TUBA1C: variants seen among roughly 807,000 people sequenced by gnomAD.
The protein encoded by TUBA1C is tubulin alpha 1c, also known as tubulin alpha-1C chain.
A neutral mutation model predicts 34.9 loss-of-function variants in TUBA1C; 16 were observed. The ratio of observed to expected loss-of-function variants is 0.46; its 90% CI spans 0.31 to 0.70. The LOEUF (loss-of-function observed/expected upper bound fraction) is 0.70. TUBA1C is among the 30% of genes least tolerant of loss of function. The probability of loss-of-function intolerance (pLI) is 0.05; values close to 1 mark genes in which losing one functional copy is unlikely to be tolerated. For synonymous variants in TUBA1C, 177 were observed against 215.9 expected (o/e 0.82, Z 1.58); for missense variants, 329 against 587.3 (o/e 0.56, Z 4.55).
chr12:49,272,536 A>G lies in TUBA1C; in HGVS notation c.659A>G (p.Glu220Gly). ...YDICRRNLDI[E>G]RPTYTNLNRL... ...ATCTGTCGTAGAAACCTCGATATCG[A>G]GCGCCCAACCTACACTAACCTTAAC... is the stretch of plus-strand genomic sequence containing the variant. Residue 220 changes from glutamate (E) to glycine (G), a missense_variant, in exon 4 of 4, where the codon GAG becomes GGG. Physicochemically the swap from Glu to Gly is moderately conservative, Grantham distance 98. Around this residue, in one of 4 missense-constraint regions of TUBA1C, gnomAD observed 140 missense variants for 289.8 expected, o/e 0.48. Transcript: ENST00000301072. 1 of 1,608,668 alleles carries G rather than the reference A, an allele frequency of 6.2e-7. No homozygotes were observed. The highest frequency in any genetic ancestry group is 8.5e-7 in the Non-Finnish European group (1 of 1,177,708).
At chr12:49,258,509 C>G (rs1942809231) in intron 1 of TUBA1C, among the ~76,000 whole-genome samples, 1 of 152,206 alleles carries the variant, frequency 6.6e-6, no homozygotes, top group East Asian at 1.9e-4. Context: ...CTCACTGCAA[C>G]CTCCACCTCC....
chr12:49,265,126 C>G lies in TUBA1C; in HGVS notation c.-56C>G. On this transcript the variant is annotated 5_prime_UTR_variant, in exon 1 of 4. The change creates a new upstream start codon in the 5' untranslated region. Coordinates refer to ENST00000301072, the MANE Select transcript of TUBA1C (RefSeq NM_032704.5). ...CCTTGGTAGTCTGTTAGTGGGAGATCCTTGTTGCCGTCCCTTCGCCTCCTT... is the reference window on the plus strand; with the variant it reads ...CCTTGGTAGTCTGTTAGTGGGAGATGCTTGTTGCCGTCCCTTCGCCTCCTT... The G allele has an allele frequency of 6.3e-7, 1 of 1,585,578 alleles. No homozygotes were observed. Among genetic ancestry groups the G allele is most frequent in the Non-Finnish European group, 8.6e-7 (1 of 1,161,646 alleles).
At chr12:49,249,582 G>T (rs1942711943) in intron 1 of TUBA1C, among the ~76,000 whole-genome samples, 1 of 152,150 alleles carries the variant, frequency 6.6e-6, no homozygotes, top group African/African-American at 2.4e-5. Context: ...AACAATGACT[G>T]GTCGTGGTGG....
chr12:49,262,432 C>CAA (rs781394639), upstream of TUBA1C, among the ~76,000 whole-genome samples: 79 of 100,264 alleles, frequency 7.9e-4, 2 homozygotes, highest in East Asian at 6.0e-3. Context: ...AGTTTTATAG[C>CAA]AAAAAAAAAA....
intron 1 of TUBA1C, among the ~76,000 whole-genome samples, chr12:49,254,484 CAAAAAAAAAA>C (rs764051406): frequency 2.0e-4 from 6 of 29,702 alleles, no homozygotes; most frequent in East Asian, 9.2e-4. Context: ...TCCATCTAAA[CAAAAAAAAAA>C]AAAAAAAAAA....
At chr12:49,253,102 A>G (rs917016307) in intron 1 of TUBA1C, among the ~76,000 whole-genome samples, 6 of 151,754 alleles carry the variant, frequency 4.0e-5, no homozygotes, top group Admixed American at 6.6e-5. Context: ...AAAAAAAAAA[A>G]AAAAAGACTT....
At chr12:49,254,039 C>A (rs777237284) in intron 1 of TUBA1C, among the ~76,000 whole-genome samples, 1 of 152,082 alleles carries the variant, frequency 6.6e-6, no homozygotes, top group Non-Finnish European at 1.5e-5. Flanking sequence ...GAGCCGGGTG[C>A]GGTGACTTAC....
At chr12:49,240,760 T>TA (rs1942607047) in intron 1 of TUBA1C, among the ~76,000 whole-genome samples, 1 of 151,924 alleles carries the variant, frequency 6.6e-6, no homozygotes, top group Admixed American at 6.6e-5. Context: ...ACTAATTTTT[T>TA]TTATTATTAT....
exon 1 of TUBA1C, chr12:49,227,955 T>C (rs1433712871): frequency 6.5e-7 from 1 of 1,535,658 alleles, no homozygotes; most frequent in Non-Finnish European, 8.7e-7. Flanking sequence ...AGCTCTAAAA[T>C]GACAGCCTGG....
chr12:49,272,694 G>C lies in TUBA1C; in HGVS notation c.817G>C (p.Ala273Pro), dbSNP rs1943009619. Residue 273 changes from alanine (A) to proline (P), a missense_variant, in exon 4 of 4, where the codon GCC becomes CCC. Ala to Pro is a conservative substitution (Grantham distance 27). Around this residue, in one of 4 missense-constraint regions of TUBA1C, gnomAD observed 140 missense variants for 289.8 expected, o/e 0.48. Coordinates refer to ENST00000301072, the MANE Select transcript of TUBA1C (RefSeq NM_032704.5). Reference sequence around the variant, plus strand: ...CATCCACTTCCCTCTGGCCACATATGCCCCTGTCATCTCTGCTGAGAAAGC... The same window carrying C: ...CATCCACTTCCCTCTGGCCACATATCCCCCTGTCATCTCTGCTGAGAAAGC... ...PRIHFPLATY[A>P]PVISAEKAYH... 2 of 1,612,150 alleles carry C rather than the reference G, an allele frequency of 1.2e-6. No individual in the cohort carries two copies. The highest frequency in any genetic ancestry group is 2.7e-5 in the African/African-American group (2 of 74,166).
intron 1 of TUBA1C, among the ~76,000 whole-genome samples, chr12:49,247,148 AAAAG>A (rs1034971431): frequency 4.6e-5 from 7 of 151,978 alleles, no homozygotes; most frequent in South Asian, 2.1e-4. Context: ...TCAAAAAAAA[AAAAG>A]AAAGAAAAAA....
At chr12:49,231,315 T>G (rs559276439) in intron 1 of TUBA1C, among the ~76,000 whole-genome samples, 7 of 152,204 alleles carry the variant, frequency 4.6e-5, no homozygotes, top group Admixed American at 2.6e-4. Context: ...ACTACGGGCA[T>G]GCACCACCAC....
intron 1 of TUBA1C, among the ~76,000 whole-genome samples, chr12:49,249,688 G>A (rs1040990160): frequency 2.6e-5 from 4 of 150,950 alleles, no homozygotes; most frequent in East Asian, 2.0e-4. Flanking sequence ...GGTGAACACC[G>A]TCTCTTCCAA....
chr12:49,235,386 G>A (rs1372844358), intron 1 of TUBA1C, among the ~76,000 whole-genome samples: 1 of 152,128 alleles, frequency 6.6e-6, no homozygotes, highest in Non-Finnish European at 1.5e-5. Flanking sequence ...CCGGAAAGGT[G>A]TCGGGGTTGC....
rs989109676 is a variant in TUBA1C, at chr12:49,240,769, AT to A, written c.213+12610del. ...CACTGGACTAATTTTTTTTATTATTATTTTTTTGTAGAGATGGACTCTCACT... is the reference window on the plus strand; with the variant it reads ...CACTGGACTAATTTTTTTTATTATTATTTTTTGTAGAGATGGACTCTCACT... On this transcript the variant is annotated intron_variant, in intron 1 of 3. Coordinates refer to the TUBA1C transcript ENST00000541364. Among the ~76,000 whole-genome samples the A allele has an allele frequency of 5.3e-5, 8 of 151,860 alleles. No homozygotes were observed. In the East Asian group the frequency reaches 1.5e-3, roughly 29 times the overall value.
Position 49,266,592 on chromosome 12 carries a change from T to G in TUBA1C, c.3+1408T>G, listed in dbSNP as rs186318308. Among the ~76,000 whole-genome samples the G allele has an allele frequency of 4.0e-3, 615 of 152,302 alleles. 2 individuals are homozygous for G. The highest frequency in any genetic ancestry group is 0.014 in the African/African-American group (572 of 41,570). Reference sequence around the variant, plus strand: ...GGCCGGGCGCGATGGCTTATGGTTGTAATCCCAGCACTTTGGGAGTCCGAG... The same window carrying G: ...GGCCGGGCGCGATGGCTTATGGTTGGAATCCCAGCACTTTGGGAGTCCGAG... On this transcript the variant is annotated intron_variant, in intron 1 of 3. Transcript: ENST00000301072.
At chr12:49,261,621 C>T (rs566598948), upstream of TUBA1C, among the ~76,000 whole-genome samples, 8 of 152,156 alleles carry the variant, frequency 5.3e-5, no homozygotes, top group Non-Finnish European at 8.8e-5. Context: ...TAAATTTCTA[C>T]ATAAGCACAA....
At chr12:49,228,135 A>G in exon 1 of TUBA1C, 1 of 1,535,726 alleles carries the variant, frequency 6.5e-7, no homozygotes, top group Non-Finnish European at 8.7e-7. Context: ...ACATCCAGCA[A>G]AAGCAGAGGA....
chr12:49,232,022 C>T (rs1207134127), intron 1 of TUBA1C, among the ~76,000 whole-genome samples: 3 of 152,206 alleles, frequency 2.0e-5, no homozygotes, highest in African/African-American at 7.2e-5. Context: ...GGGTGGCTCT[C>T]ATTTCCTCCA....
Sources: allele counts gnomAD v4.1 joint callset (sites outside exome capture counted in the v4.1 genomes callset), GRCh38; gene constraint gnomAD v4.1.1; regional missense constraint gnomAD v4.1.1; transcripts MANE v1.5; gene names NCBI Gene and HGNC (gene_info 2026-07-23, HGNC 2026-07-21).